Variants in NOCT observed in about 807,000 individuals in gnomAD.
NOCT encodes nocturnin.
NOCT carries 18 observed loss-of-function variants against 35.0 expected under a neutral mutation model. That is an observed-to-expected ratio of 0.51 (90% confidence interval 0.36 to 0.76). The LOEUF (loss-of-function observed/expected upper bound fraction) is 0.76. Among genes scored for constraint, NOCT ranks in the 30% least tolerant of loss-of-function variants. The pLI is 0.01. For missense variants in NOCT, 479 were observed against 541.0 expected (o/e 0.89, Z 1.14); for synonymous variants, 235 against 226.3 (o/e 1.04, Z -0.34).
chr4:139,031,735 G>A (rs1726628158), intron 1 of NOCT, among the ~76,000 whole-genome samples: 1 of 151,630 alleles, frequency 6.6e-6, no homozygotes, highest in African/African-American at 2.4e-5. Context: ...TGTTTTAGAG[G>A]GAGTCTCACT....
intron 1 of NOCT, among the ~76,000 whole-genome samples, chr4:139,022,715 T>C (rs973999463): frequency 2.0e-5 from 3 of 152,210 alleles, no homozygotes; most frequent in Non-Finnish European, 4.4e-5. Context: ...AAAATATTTA[T>C]TTTATTTATT....
At chr4:139,042,002 CT>C (rs1284786289) in intron 1 of NOCT, among the ~76,000 whole-genome samples, 2 of 151,960 alleles carry the variant, frequency 1.3e-5, no homozygotes, top group East Asian at 3.9e-4. Flanking sequence ...ATTACCTAAT[CT>C]CTCACCCAGG....
chr4:139,028,395 T>A (rs1175992533), intron 1 of NOCT: 2 of 152,328 alleles, frequency 1.3e-5, no homozygotes, highest in Non-Finnish European at 2.9e-5. Context: ...GTCTAGGTGC[T>A]TGTATTTTTA....
At chr4:139,037,771 T>C (rs1483844864) in intron 1 of NOCT, among the ~76,000 whole-genome samples, 1 of 152,042 alleles carries the variant, frequency 6.6e-6, no homozygotes, top group Non-Finnish European at 1.5e-5. Context: ...ACCGGTAGTC[T>C]CAGCTACTCA....
intron 1 of NOCT, among the ~76,000 whole-genome samples, chr4:139,023,674 T>C (rs1008047605): frequency 9.2e-5 from 14 of 152,226 alleles, no homozygotes; most frequent in African/African-American, 3.4e-4. Context: ...TTTTTTGTAT[T>C]TTTAGTAGAG....
intron 1 of NOCT, among the ~76,000 whole-genome samples, chr4:139,042,851 T>G (rs1008519871): frequency 1.3e-5 from 2 of 151,196 alleles, no homozygotes; most frequent in Non-Finnish European, 2.9e-5. Context: ...GGGGTGGAGG[T>G]TGCGGTGAGC....
At chr4:139,040,281 G>A (rs1156339062) in intron 1 of NOCT, among the ~76,000 whole-genome samples, 1 of 136,182 alleles carries the variant, frequency 7.3e-6, no homozygotes, top group African/African-American at 2.8e-5. Context: ...ACCTCATGAT[G>A]CGCCCGCCTC....
intron 1 of NOCT, among the ~76,000 whole-genome samples, chr4:139,035,140 A>T (rs1191053538): frequency 2.0e-5 from 3 of 151,002 alleles, no homozygotes; most frequent in Admixed American, 6.6e-5. Flanking sequence ...TTTTTTTTTT[A>T]AAGAGATAGA....
chr4:139,040,330 G>A (rs1052870326), intron 1 of NOCT, among the ~76,000 whole-genome samples: 2 of 151,908 alleles, frequency 1.3e-5, no homozygotes, highest in African/African-American at 2.4e-5. Context: ...TTGAGACACC[G>A]CGCCCAGCCT....
At chr4:139,032,918 A>G (rs750758281) in intron 1 of NOCT, among the ~76,000 whole-genome samples, 5 of 152,232 alleles carry the variant, frequency 3.3e-5, no homozygotes, top group Non-Finnish European at 5.9e-5. Context: ...AATGTGAATT[A>G]GCCGAGGGTG....
rs1328173400 is a variant in NOCT, at chr4:139,030,637, T to C, written c.191-12437T>C. ...AATCTTTATTGATTCCTTCAATATA[T>C]ATTAAATAAATATATTGTATATCCA... On this transcript the variant is annotated intron_variant, in intron 1 of 2. Coordinates refer to ENST00000280614, the MANE Select transcript of NOCT (RefSeq NM_012118.4). 3.3e-5 allele frequency among the ~76,000 whole-genome samples: 5 copies of C among 152,362 alleles called. No individual in the cohort carries two copies. The East Asian group carries it at 9.6e-4, about 29-fold the overall frequency.
intron 2 of NOCT, chr4:139,043,629 A>C: frequency 3.5e-6 from 1 of 282,312 alleles, no homozygotes. Flanking sequence ...TAATTGTAAA[A>C]ACCAAGTCAG....
rs574503882 is a variant in NOCT at position 139,016,325 on chromosome 4, C to T, written c.190+154C>T. Among the ~76,000 whole-genome samples the T allele has an allele frequency of 3.9e-5, 6 of 152,216 alleles. No individual in the cohort carries two copies. In the South Asian group the frequency reaches 1.2e-3, roughly 32 times the overall value. ...TTTACCGGAGCAACCTTCTGCGTTC[C>T]CTTTTTCCTCTTTCCCTGTTCCCCG... On this transcript the variant is annotated intron_variant, in intron 1 of 2. Transcript: ENST00000280614.
At chr4:139,024,142 C>T (rs1280760475) in intron 1 of NOCT, among the ~76,000 whole-genome samples, 3 of 150,350 alleles carry the variant, frequency 2.0e-5, no homozygotes, top group African/African-American at 2.5e-5. Context: ...CTCACTGTAA[C>T]CTCCAACTCC....
chr4:139,032,385 C>T (rs539874345), intron 1 of NOCT, among the ~76,000 whole-genome samples: 9 of 152,186 alleles, frequency 5.9e-5, no homozygotes, highest in Admixed American at 1.3e-4. Flanking sequence ...GGCCCATTGC[C>T]GTGACTCATG....
At chr4:139,022,102 G>T (rs1647854055) in intron 1 of NOCT, among the ~76,000 whole-genome samples, 1 of 152,222 alleles carries the variant, frequency 6.6e-6, no homozygotes, top group South Asian at 2.1e-4. Flanking sequence ...TTAAGTGGTG[G>T]TTATACTTCA....
intron 1 of NOCT, among the ~76,000 whole-genome samples, chr4:139,038,169 C>T (rs1041546739): frequency 1.3e-5 from 2 of 151,992 alleles, no homozygotes; most frequent in African/African-American, 4.8e-5. Flanking sequence ...CACTGCATTC[C>T]AGCCTGGTGA....
At chr4:139,035,399 G>A (rs1726712494) in intron 1 of NOCT, among the ~76,000 whole-genome samples, 1 of 152,012 alleles carries the variant, frequency 6.6e-6, no homozygotes, top group African/African-American at 2.4e-5. Context: ...GCCTCCCAAA[G>A]TGTTTTGATT....
In NOCT at chr4:139,043,153, C is replaced by T. The variant is rs1280628920; in HGVS notation, c.270C>T (p.His90=). 3.7e-6 allele frequency: 6 copies of T among 1,613,968 alleles called. No individual in the cohort carries two copies. In the Admixed American group the frequency reaches 1.0e-4, roughly 27 times the overall value. Residue 90 remains histidine, a synonymous_variant, in exon 2 of 3, where the codon CAC becomes CAT. Transcript: ENST00000280614. Reference sequence around the variant, plus strand: ...TGAACAGCAGCGCTGCCTCCCAGCACCCAGAGTATTTGGTGTCACCTGACC... The same window carrying T: ...TGAACAGCAGCGCTGCCTCCCAGCATCCAGAGTATTTGGTGTCACCTGACC... ...KTLNSSAASQ[H]PEYLVSPDPE...
Sources: gnomAD v4.1 joint callset for allele counts (sites outside exome capture counted in the v4.1 genomes callset) on GRCh38, gnomAD v4.1.1 for gene constraint, MANE v1.5 for transcripts, NCBI Gene and HGNC (gene_info 2026-07-23, HGNC 2026-07-21) for gene names.